GZMA: variants seen among roughly 807,000 people sequenced by gnomAD.
GZMA encodes the protein CTL tryptase.
Under a neutral mutation model 21.1 loss-of-function variants are expected in GZMA, and 17 were observed. The observed-to-expected ratio is 0.81, with a 90% confidence interval of 0.55 to 1.21. The LOEUF (loss-of-function observed/expected upper bound fraction) is 1.21. Among genes scored for constraint, GZMA ranks in the 50% most tolerant of loss-of-function variants. The pLI is 0.00. For missense variants in GZMA, 306 were observed against 315.9 expected (o/e 0.97, Z 0.24); for synonymous variants, 90 against 107.8 (o/e 0.83, Z 1.03).
chr5:55,107,750 A>G, intron 2 of GZMA, 44 bp from the exon 3 acceptor site: 1 of 1,552,626 alleles, frequency 6.4e-7, no homozygotes, highest in Non-Finnish European at 8.9e-7. Context: ...TCAACTGCCA[A>G]TACAAAGAAT....
At chr5:55,109,029 C>G (rs1742461607) in intron 4 of GZMA, among the ~76,000 whole-genome samples, 1 of 152,182 alleles carries the variant, frequency 6.6e-6, no homozygotes, top group Non-Finnish European at 1.5e-5. Flanking sequence ...GATTTTTAAA[C>G]TGAGTACTAC....
chr5:55,109,913 G>C, intron 4 of GZMA, 108 bp from the exon 5 acceptor site: 1 of 619,194 alleles, frequency 1.6e-6, no homozygotes, highest in Non-Finnish European at 2.6e-6. Context: ...CTTCAATTAA[G>C]TCAAGGTTGG....
chr5:55,105,589 C>T lies in GZMA; in HGVS notation c.186C>T (p.Asp62=). The change falls in exon 2 of 5, where the codon GAC becomes GAT. Residue 62 remains aspartate (D), a synonymous_variant. Transcript: ENST00000274306. ...GTGCTGGGGCTTTGATTGCAAAAGA[C>T]TGGGTGTTGACTGCAGCTCACTGTA... The part of the protein sequence containing the change: ...TICAGALIAK[D]WVLTAAHCNL... 1 of 1,613,804 alleles carries T rather than the reference C, an allele frequency of 6.2e-7. No individual in the cohort carries two copies.
At chr5:55,108,447 G>C (rs1364221742) in intron 4 of GZMA, 53 bp downstream of exon 4, 6 of 1,433,934 alleles carry the variant, frequency 4.2e-6, no homozygotes, top group Non-Finnish European at 5.8e-6. Context: ...CATGCAGACA[G>C]AGAAAATGTA....
intron 4 of GZMA, 105 bp downstream of exon 4, chr5:55,108,499 T>A: frequency 1.1e-6 from 1 of 879,604 alleles, no homozygotes; most frequent in South Asian, 2.0e-5. Context: ...TTCTACAGGA[T>A]CCTAGAGCTT....
rs140009797 is a variant in GZMA at position 55,109,866 on chromosome 5, T to C, written c.628-155T>C. 7.9e-5 allele frequency among the ~76,000 whole-genome samples: 12 copies of C among 152,360 alleles called. No individual in the cohort carries two copies. The East Asian group carries it at 2.3e-3, about 29-fold the overall frequency. ...GAACCAATTCAAAAATATTAAAATA[T>C]TTCCAAACATTTTAATTTTTAAAAT... is the stretch of plus-strand genomic sequence containing the variant. On this transcript the variant is annotated intron_variant, in intron 4 of 4. Coordinates refer to ENST00000274306, the MANE Select transcript of GZMA (RefSeq NM_006144.4).
Position 55,102,709 on chromosome 5 carries a change from A to T in GZMA, c.27A>T (p.Ala9=), listed in dbSNP as rs766751367. 12 of 1,610,238 alleles carry T rather than the reference A, an allele frequency of 7.5e-6. No individual in the cohort carries two copies. Among genetic ancestry groups the T allele is most frequent in the Middle Eastern group, 1.7e-4 (1 of 6,052 alleles). The change falls in exon 1 of 5, where the codon GCA becomes GCT. Residue 9 remains alanine (A), a synonymous_variant. Transcript: ENST00000274306. MRNSYRFL[A]SSLSVVVSLL... ...TGAGGAACTCCTATAGATTTCTGGC[A>T]TCCTCTCTCTCAGTTGTCGTTTCTC...
At chr5:55,103,037 T>A (rs1297374573) in intron 1 of GZMA, among the ~76,000 whole-genome samples, 1 of 99,180 alleles carries the variant, frequency 1.0e-5, no homozygotes, top group Non-Finnish European at 2.0e-5. Context: ...GGATTTTAAA[T>A]ATGTCTGTAT....
chr5:55,103,416 T>C (rs142559302), intron 1 of GZMA, among the ~76,000 whole-genome samples: 81 of 152,352 alleles, frequency 5.3e-4, no homozygotes, highest in African/African-American at 1.9e-3. Context: ...GGGTGTGCTA[T>C]AGTATTTTTT....
intron 2 of GZMA, among the ~76,000 whole-genome samples, chr5:55,106,623 T>C (rs1047549833): frequency 3.3e-5 from 5 of 152,208 alleles, no homozygotes; most frequent in African/African-American, 4.8e-5. Flanking sequence ...CTCAGAGCCC[T>C]GGGTGCAACC....
intron 2 of GZMA, among the ~76,000 whole-genome samples, 168 bp from the exon 3 acceptor site, chr5:55,107,608 AATTCATAAACATTCTTTT>A (rs142030473): frequency 7.9e-5 from 12 of 152,330 alleles, no homozygotes; most frequent in East Asian, 1.9e-4. Context: ...GATGACGATA[AATTCATAAACATTCTTTT>A]ATTCATAAAC....
chr5:55,103,575 A>C (rs1742338516), intron 1 of GZMA, among the ~76,000 whole-genome samples: 1 of 152,168 alleles, frequency 6.6e-6, no homozygotes, highest in African/African-American at 2.4e-5. Flanking sequence ...CCCTTGAAGA[A>C]CCTGCTAGGA....
At chr5:55,103,220 G>A (rs935696301) in intron 1 of GZMA, among the ~76,000 whole-genome samples, 1 of 152,152 alleles carries the variant, frequency 6.6e-6, no homozygotes, top group African/African-American at 2.4e-5. Context: ...GAAAGGAATA[G>A]TGGCAACTTA....
chr5:55,105,867 G>A (rs1157490562), intron 2 of GZMA, among the ~76,000 whole-genome samples: 1 of 151,814 alleles, frequency 6.6e-6, no homozygotes, highest in Non-Finnish European at 1.5e-5. Flanking sequence ...AGCTACTTTG[G>A]AGGCTGAGGC....
chr5:55,108,002 AC>A, intron 3 of GZMA, 67 bp downstream of exon 3: 6 of 1,488,654 alleles, frequency 4.0e-6, no homozygotes, highest in Non-Finnish European at 5.6e-6. Context: ...CGACGTGAAA[AC>A]CTTTCCTTGG....
chr5:55,105,431 T>A, intron 1 of GZMA, 43 bp from the exon 2 acceptor site: 1 of 1,580,506 alleles, frequency 6.3e-7, no homozygotes. Context: ...TAGAGCTCTT[T>A]GGGGGTGAGC....
rs1742475754 is a variant in GZMA, at chr5:55,110,089, T to C, written c.696T>C (p.Asn232=). Reference sequence around the variant, plus strand: ...GGGTCACTTCCTTTGGCCTTGAAAATAAATGCGGAGACCCTCGTGGGCCTG... The same window carrying C: ...GGGTCACTTCCTTTGGCCTTGAAAACAAATGCGGAGACCCTCGTGGGCCTG... ...FRGVTSFGLE[N]KCGDPRGPGV... The change falls in exon 5 of 5, where the codon AAT becomes AAC. Residue 232 remains asparagine (N), a synonymous_variant. Coordinates refer to ENST00000274306, the MANE Select transcript of GZMA (RefSeq NM_006144.4). The C allele has an allele frequency of 6.2e-7, 1 of 1,612,816 alleles. No individual in the cohort carries two copies. Among genetic ancestry groups the C allele is most frequent in the African/African-American group, 1.3e-5 (1 of 74,806 alleles).
At chr5:55,109,369 TC>T (rs1266125252) in intron 4 of GZMA, among the ~76,000 whole-genome samples, 2 of 152,206 alleles carry the variant, frequency 1.3e-5, no homozygotes, top group East Asian at 1.9e-4. Context: ...AAGACGCTAG[TC>T]CCCATCCCAC....
intron 2 of GZMA, among the ~76,000 whole-genome samples, chr5:55,107,221 A>G (rs1423817775): frequency 1.3e-5 from 2 of 152,180 alleles, no homozygotes; most frequent in African/African-American, 4.8e-5. Context: ...AACCTTTAAG[A>G]GAAAAAAAGA....
Sources: allele counts gnomAD v4.1 joint callset (sites outside exome capture counted in the v4.1 genomes callset), GRCh38; gene constraint gnomAD v4.1.1; transcripts MANE v1.5; gene names NCBI Gene and HGNC (gene_info 2026-07-23, HGNC 2026-07-21).